WASL: variants seen among roughly 807,000 people sequenced by gnomAD.
WASL encodes the protein WASP like actin nucleation promoting factor, also known as actin nucleation-promoting factor WASL.
In WASL, 20 loss-of-function variants were observed where a neutral mutation model predicts 55.5. The ratio of observed to expected loss-of-function variants is 0.36; its 90% CI spans 0.25 to 0.52. WASL has a LOEUF of 0.52. Among genes scored for constraint, WASL ranks in the 20% least tolerant of loss-of-function variants. WASL has a pLI of 0.92. For synonymous variants in WASL, 249 were observed against 217.6 expected, an observed-to-expected ratio of 1.14 and a Z score of -1.27; for missense variants, 504 against 622.5, an observed-to-expected ratio of 0.81 and a Z score of 2.03.
At chr7:123,720,649 G>GA (rs1803929801) in intron 1 of WASL, among the ~76,000 whole-genome samples, 1 of 147,696 alleles carries the variant, frequency 6.8e-6, no homozygotes, top group Admixed American at 6.9e-5. Flanking sequence ...CACACTGTGG[G>GA]ATTTTTTTTT....
chr7:123,737,765 T>G (rs1804262635), intron 1 of WASL, among the ~76,000 whole-genome samples: 1 of 152,064 alleles, frequency 6.6e-6, no homozygotes, highest in Admixed American at 6.6e-5. Flanking sequence ...AATAAAACCA[T>G]AAAAATACCA....
intron 9 of WASL, among the ~76,000 whole-genome samples, chr7:123,691,383 T>C (rs1465059815): frequency 6.6e-6 from 1 of 152,168 alleles, no homozygotes; most frequent in East Asian, 1.9e-4. Flanking sequence ...TCCAGCCTGT[T>C]CTTGGATTTT....
chr7:123,702,452 A>G (rs1490221716), intron 5 of WASL, among the ~76,000 whole-genome samples: 1 of 152,188 alleles, frequency 6.6e-6, no homozygotes. Flanking sequence ...CTATCTATTC[A>G]TGGAAACTAG....
At position 123,684,547 on chromosome 7, in the gene WASL, A is replaced by C; in HGVS notation, c.1490T>G (p.Phe497Cys). The C allele has an allele frequency of 2.2e-6, 3 of 1,347,734 alleles. No individual in the cohort carries two copies. The highest frequency in any genetic ancestry group is 3.1e-6 in the Non-Finnish European group (3 of 968,252). 83.5% of individuals were successfully genotyped at this position (1,347,734 alleles called of 1,614,324 possible). Residue 497 changes from phenylalanine to cysteine, a missense_variant, in exon 11 of 11, where the codon TTT (phenylalanine) becomes TGT (cysteine). By Grantham distance (205) the Phe-to-Cys change is radical (BLOSUM62 -2). Around this residue, in one of 5 missense-constraint regions of WASL, gnomAD observed 53 missense variants for 69.1 expected, o/e 0.77. Transcript: ENST00000223023. ...EDEDEDDEED[F>C]EDDDEWED ...GTCTTCCCACTCATCATCATCCTCA[A>C]AATCTTCTTCATCATCTTCATCTTC...
rs549487451 is a variant in WASL, at chr7:123,692,414, C to T, written c.1280G>A (p.Arg427Gln). 10 of 1,613,950 alleles carry T rather than the reference C, an allele frequency of 6.2e-6. No individual in the cohort carries two copies. The highest frequency in any genetic ancestry group is 4.5e-5 in the East Asian group (2 of 44,862). The change falls in exon 9 of 11, where the codon CGG becomes CAG. Residue 427 changes from arginine to glutamine, a missense_variant. This residue lies in a region of WASL where 201 missense variants were observed against 206.2 expected (regional missense o/e 0.97). Transcript: ENST00000223023. ...ATCTCGTCCAGAGCAGGACACTGGCCGACTGTTCTGCTCCACTTTTTTTAG... is the reference window on the plus strand; with the variant it reads ...ATCTCGTCCAGAGCAGGACACTGGCTGACTGTTCTGCTCCACTTTTTTTAG... Reference protein sequence around the residue: ...AQLKKVEQNSRPVSCSGRDAL... With the variant: ...AQLKKVEQNSQPVSCSGRDAL...
chr7:123,740,209 A>T (rs1015197713), intron 1 of WASL, among the ~76,000 whole-genome samples: 1 of 152,038 alleles, frequency 6.6e-6, no homozygotes, highest in African/African-American at 2.4e-5. Context: ...TATATCTCAT[A>T]TATTATCTTT....
At chr7:123,730,139 C>T (rs552809907) in intron 1 of WASL, among the ~76,000 whole-genome samples, 7 of 152,030 alleles carry the variant, frequency 4.6e-5, no homozygotes, top group East Asian at 1.9e-4. Context: ...CAAACATTTT[C>T]GAAAGAGAAA....
chr7:123,722,832 A>G (rs1803974207), intron 1 of WASL, among the ~76,000 whole-genome samples: 1 of 152,152 alleles, frequency 6.6e-6, no homozygotes, highest in South Asian at 2.1e-4. Context: ...AATAATAATT[A>G]TAACAAAGTA....
Position 123,736,365 on chromosome 7 carries a change from C to T in WASL, c.117+12253G>A, listed in dbSNP as rs1804228508. ...GATTTAGACAGATGAATTAAGGGTACCAGAAATGATAACCAAGTGAATAAA... is the reference window on the plus strand; with the variant it reads ...GATTTAGACAGATGAATTAAGGGTATCAGAAATGATAACCAAGTGAATAAA... On this transcript the variant is annotated intron_variant, in intron 1 of 10. Coordinates refer to ENST00000223023, the MANE Select transcript of WASL (RefSeq NM_003941.4). 2.0e-5 allele frequency among the ~76,000 whole-genome samples: 3 copies of T among 152,118 alleles called. No individual in the cohort carries two copies. The South Asian group carries it at 6.2e-4, about 32-fold the overall frequency.
chr7:123,742,168 A>C (rs1804354596), intron 1 of WASL, among the ~76,000 whole-genome samples: 1 of 152,224 alleles, frequency 6.6e-6, no homozygotes, highest in South Asian at 2.1e-4. Flanking sequence ...CACAGCAAGA[A>C]CAGAAGTTGA....
chr7:123,696,523 G>C (rs928571894), intron 6 of WASL, 56 bp downstream of exon 6: 9 of 1,413,828 alleles, frequency 6.4e-6, no homozygotes, highest in Admixed American at 2.7e-5. Context: ...TAAAAATCAA[G>C]AACAGCAATG....
intron 1 of WASL, among the ~76,000 whole-genome samples, chr7:123,711,323 G>A (rs1321175261): frequency 1.3e-4 from 20 of 151,794 alleles, no homozygotes; most frequent in Non-Finnish European, 1.2e-4. Flanking sequence ...TTAACCTTTA[G>A]ATAAACTTAA....
chr7:123,740,488 G>T (rs1034417639), intron 1 of WASL, among the ~76,000 whole-genome samples: 4 of 152,084 alleles, frequency 2.6e-5, no homozygotes, highest in East Asian at 3.9e-4. Context: ...TTATGAATAT[G>T]GTTAAGCATG....
chr7:123,738,054 T>C (rs1469672457), intron 1 of WASL, among the ~76,000 whole-genome samples: 1 of 152,120 alleles, frequency 6.6e-6, no homozygotes, highest in Non-Finnish European at 1.5e-5. Flanking sequence ...GAAATATAAA[T>C]GGTCAACTGA....
chr7:123,699,568 G>T (rs1803545765), intron 5 of WASL, among the ~76,000 whole-genome samples: 1 of 152,114 alleles, frequency 6.6e-6, no homozygotes, highest in Non-Finnish European at 1.5e-5. Flanking sequence ...GACTAGCATG[G>T]AAACACAGTT....
In WASL at chr7:123,682,899, A is replaced by G. The variant is rs1476936563; in HGVS notation, c.*1620T>C. On this transcript the variant is annotated 3_prime_UTR_variant, in exon 11 of 11. Coordinates refer to ENST00000223023, the MANE Select transcript of WASL (RefSeq NM_003941.4). ...TGCTTAAATTACTCTTGCAAGAAAG[A>G]TAACATTCTTTGAATAACTTAAGTA... 6.6e-6 allele frequency: 1 copy of G among 152,310 alleles called. No homozygotes were observed. The highest frequency in any genetic ancestry group is 1.5e-5 in the Non-Finnish European group (1 of 68,008). 9.4% of individuals were successfully genotyped at this position (152,310 alleles called of 1,614,324 possible).
intron 1 of WASL, among the ~76,000 whole-genome samples, chr7:123,730,725 A>G (rs1804123322): frequency 6.6e-6 from 1 of 152,222 alleles, no homozygotes; most frequent in South Asian, 2.1e-4. Flanking sequence ...ACACCAATTA[A>G]AAGAAGACTG....
At chr7:123,709,771 G>A (rs2116790904) in intron 1 of WASL, among the ~76,000 whole-genome samples, 1 of 152,302 alleles carries the variant, frequency 6.6e-6, no homozygotes, top group East Asian at 1.9e-4. Context: ...TAAGGATTGA[G>A]ACAAACTTGA....
chr7:123,732,877 T>G lies in WASL; in HGVS notation c.117+15741A>C, dbSNP rs1201831052. 2.0e-5 allele frequency among the ~76,000 whole-genome samples: 3 copies of G among 152,156 alleles called. No homozygotes were observed. The East Asian group carries it at 5.8e-4, about 29-fold the overall frequency. ...TTTATTCTAGGTATGCAAGGTTGGC[T>G]CAACACTCAAAAGTCAACTAATATA... On this transcript the variant is annotated intron_variant, in intron 1 of 10. Transcript: ENST00000223023.
Sources: allele counts gnomAD v4.1 joint callset (sites outside exome capture counted in the v4.1 genomes callset), GRCh38; gene constraint gnomAD v4.1.1; regional missense constraint gnomAD v4.1.1; transcripts MANE v1.5; gene names NCBI Gene and HGNC (gene_info 2026-07-23, HGNC 2026-07-21).